The following ANKRD30A variants were observed in gnomAD, a reference collection of about 807,000 sequenced individuals.
ANKRD30A encodes the protein ankyrin repeat domain 30A, also known as ankyrin repeat domain-containing protein 30A.
ANKRD30A carries 170 observed loss-of-function variants against 166.3 expected under a neutral mutation model. The observed-to-expected ratio is 1.02, with a 90% confidence interval of 0.90 to 1.16. The LOEUF (loss-of-function observed/expected upper bound fraction) is 1.16. Ranked by LOEUF, ANKRD30A falls within the 50% of genes most tolerant of loss-of-function variation. The probability of loss-of-function intolerance (pLI) is 0.00; values close to 1 mark genes in which losing one functional copy is unlikely to be tolerated. For missense variants in ANKRD30A, 1,630 were observed against 1,518.0 expected, an observed-to-expected ratio of 1.07 and a Z score of -1.23; for synonymous variants, 564 against 508.9, an observed-to-expected ratio of 1.11 and a Z score of -1.46.
At chr10:37,192,852 T>C (rs1457712313) in intron 25 of ANKRD30A, among the ~76,000 whole-genome samples, 2 of 152,038 alleles carry the variant, frequency 1.3e-5, no homozygotes, top group Admixed American at 6.5e-5. Flanking sequence ...TCACAGCATG[T>C]TTGATGAAAT....
chr10:37,136,616 A>G lies in ANKRD30A; in HGVS notation c.765A>G (p.Glu255=), dbSNP rs1338803913. The change falls in exon 6 of 36, where the codon GAA becomes GAG. Residue 255 remains glutamate, a synonymous_variant. Coordinates refer to ENST00000361713, the MANE Select transcript of ANKRD30A (RefSeq NM_052997.3). ...ACATTTTTATACATAGCATTCATGA[A>G]CAAATTATGGAATATATACGAAAAT... is the stretch of plus-strand genomic sequence containing the variant. ...AVTCGFHHIH[E]QIMEYIRKLS... is the part of the protein sequence containing the mutation. 3.7e-6 allele frequency: 5 copies of G among 1,369,550 alleles called. No homozygotes were observed. Among genetic ancestry groups the G allele is most frequent in the Non-Finnish European group, 5.0e-6 (5 of 992,558 alleles). 84.8% of individuals were successfully genotyped at this position (1,369,550 alleles called of 1,614,324 possible).
chr10:37,125,943 G>C lies in ANKRD30A; in HGVS notation c.156G>C (p.Arg52=), dbSNP rs368375504. The change falls in exon 1 of 36, where the codon CGG becomes CGC. Residue 52 remains arginine, a synonymous_variant. Coordinates refer to ENST00000361713, the MANE Select transcript of ANKRD30A (RefSeq NM_052997.3). ...IHKAASRGQV[R]KLEKMTKRKK... ...AAGCTGCCTCCCGGGGACAAGTCCG[G>C]AAGCTGGAGAAGATGACAAAGAGGA... 4 of 1,611,660 alleles carry C rather than the reference G, an allele frequency of 2.5e-6. No homozygotes were observed. The highest frequency in any genetic ancestry group is 3.4e-6 in the Non-Finnish European group (4 of 1,179,738).
intron 31 of ANKRD30A, among the ~76,000 whole-genome samples, chr10:37,211,165 A>T (rs1842290990): frequency 6.6e-6 from 1 of 151,284 alleles, no homozygotes; most frequent in Non-Finnish European, 1.5e-5. Flanking sequence ...TTATACTTTA[A>T]GTTTTAGGGT....
chr10:37,230,156 A>G (rs1486230089), intron 34 of ANKRD30A, among the ~76,000 whole-genome samples: 1 of 152,014 alleles, frequency 6.6e-6, no homozygotes, highest in East Asian at 1.9e-4. Context: ...ACTTTAATAA[A>G]ACAGAATCAG....
intron 34 of ANKRD30A, among the ~76,000 whole-genome samples, chr10:37,221,709 G>T (rs1842907487): frequency 6.6e-6 from 1 of 151,078 alleles, no homozygotes; most frequent in Non-Finnish European, 1.5e-5. Flanking sequence ...AGAAGATTAA[G>T]AATTATACAT....
Position 37,143,995 on chromosome 10 carries a change from G to C in ANKRD30A, c.1394-1000G>C, listed in dbSNP as rs550158482. Reference sequence around the variant, plus strand: ...GTTTGACCCATCCAGGGTAAAAAGAGTCAAGTTCAGAAGCTCAATTTACAC... The same window carrying C: ...GTTTGACCCATCCAGGGTAAAAAGACTCAAGTTCAGAAGCTCAATTTACAC... On this transcript the variant is annotated intron_variant, in intron 7 of 35. Transcript: ENST00000361713. 1.9e-4 allele frequency among the ~76,000 whole-genome samples: 29 copies of C among 151,342 alleles called. 1 individual carries two copies. The South Asian group carries it at 5.7e-3, about 30-fold the overall frequency.
chr10:37,219,988 A>AATATATATATATATATATATATAT (rs71007624), intron 34 of ANKRD30A, 91 bp downstream of exon 34: 6 of 187,490 alleles, frequency 3.2e-5, no homozygotes, highest in East Asian at 1.2e-4. Context: ...AATCTAGTTG[A>AATATATATATATATATATATATAT]ATATATATAT....
chr10:37,149,726 T>C, intron 10 of ANKRD30A, 47 bp downstream of exon 10: 2 of 1,602,272 alleles, frequency 1.2e-6, no homozygotes, highest in Non-Finnish European at 1.7e-6. Context: ...TAATTATGTA[T>C]TTGTGAAGTA....
intron 13 of ANKRD30A, among the ~76,000 whole-genome samples, chr10:37,157,497 C>A (rs1838473917): frequency 6.6e-6 from 1 of 152,182 alleles, no homozygotes; most frequent in Admixed American, 6.5e-5. Context: ...ACCCAAGTAG[C>A]TGGGTTTACA....
chr10:37,201,983 C>G (rs1002185729), intron 31 of ANKRD30A, among the ~76,000 whole-genome samples: 19 of 152,066 alleles, frequency 1.2e-4, no homozygotes, highest in African/African-American at 4.6e-4. Context: ...ACAATTCACA[C>G]TGTGATTCAG....
chr10:37,225,431 G>C (rs528546079), intron 34 of ANKRD30A, among the ~76,000 whole-genome samples: 1 of 151,814 alleles, frequency 6.6e-6, no homozygotes, highest in African/African-American at 2.4e-5. Context: ...CAGAAAAGAA[G>C]TTAAAGGAAT....
chr10:37,138,172 C>T (rs1305750737), intron 6 of ANKRD30A, among the ~76,000 whole-genome samples: 3 of 152,184 alleles, frequency 2.0e-5, no homozygotes, highest in Non-Finnish European at 4.4e-5. Flanking sequence ...AGGATCCTGA[C>T]TGTTAGAAGG....
chr10:37,152,138 A>AT lies in ANKRD30A; in HGVS notation c.1707+26dup, dbSNP rs558014233. 7.4e-5 allele frequency: 116 copies of AT among 1,564,078 alleles called. No individual in the cohort carries two copies. The highest frequency in any genetic ancestry group is 3.4e-4 in the Middle Eastern group (2 of 5,924). ...GATTCTGAGGTACTATGTGTTATTGATTTTTTTTTAATATTAGTATTGCAT... is the reference window on the plus strand; with the variant it reads ...GATTCTGAGGTACTATGTGTTATTGATTTTTTTTTTAATATTAGTATTGCAT... On this transcript the variant is annotated intron_variant, in intron 12 of 35. Transcript: ENST00000361713.
chr10:37,249,868 T>C, the ANKRD30A span, among the ~76,000 whole-genome samples: 1 of 152,200 alleles, frequency 6.6e-6, no homozygotes, highest in African/African-American at 2.4e-5. Context: ...ATGTTTATGA[T>C]CAGACCATTT....
chr10:37,222,042 T>G (rs1842925030), intron 34 of ANKRD30A, among the ~76,000 whole-genome samples: 1 of 151,338 alleles, frequency 6.6e-6, no homozygotes, highest in Non-Finnish European at 1.5e-5. Flanking sequence ...AAATAGAAAA[T>G]AGAGGAAATT....
At chr10:37,205,343 G>A (rs113764710) in intron 31 of ANKRD30A, among the ~76,000 whole-genome samples, 69 of 151,070 alleles carry the variant, frequency 4.6e-4, no homozygotes, top group African/African-American at 1.5e-3. Flanking sequence ...GCAAACTATC[G>A]CAAGGACAGA....
At chr10:37,190,324 G>A (rs916603813) in intron 25 of ANKRD30A, among the ~76,000 whole-genome samples, 4 of 151,764 alleles carry the variant, frequency 2.6e-5, no homozygotes, top group African/African-American at 9.7e-5. Flanking sequence ...AAGAGGAGAG[G>A]CCTTTTGTGG....
rs1314613738 is a variant in ANKRD30A at position 37,142,001 on chromosome 10, A to G, written c.1104A>G (p.Thr368=). Residue 368 remains threonine (T), a synonymous_variant, in exon 7 of 36, where the codon ACA becomes ACG. Coordinates refer to ENST00000361713, the MANE Select transcript of ANKRD30A (RefSeq NM_052997.3). ...PREITSPAKE[T]SEKFTWPAKG... ...AAATTACGAGTCCTGCAAAAGAAACATCTGAGAAATTTACGTGGCCAGCAA... is the reference window on the plus strand; with the variant it reads ...AAATTACGAGTCCTGCAAAAGAAACGTCTGAGAAATTTACGTGGCCAGCAA... The G allele has an allele frequency of 4.3e-6, 7 of 1,614,046 alleles. No individual in the cohort carries two copies. Among genetic ancestry groups the G allele is most frequent in the Non-Finnish European group, 5.1e-6 (6 of 1,179,996 alleles).
At chr10:37,212,743 A>G (rs1431533446) in intron 31 of ANKRD30A, among the ~76,000 whole-genome samples, 1 of 151,988 alleles carries the variant, frequency 6.6e-6, no homozygotes. Context: ...ATTTTTGTGT[A>G]AGGTGTAAGG....
Sources: allele counts gnomAD v4.1 joint callset (sites outside exome capture counted in the v4.1 genomes callset), GRCh38; gene constraint gnomAD v4.1.1; transcripts MANE v1.5; gene names NCBI Gene and HGNC (gene_info 2026-07-23, HGNC 2026-07-21).